TAF3: variants seen among roughly 807,000 people sequenced by gnomAD.
TAF3 encodes TATA-box binding protein associated factor 3, also known as transcription initiation factor TFIID subunit 3.
A neutral mutation model predicts 80.6 loss-of-function variants in TAF3; 7 were observed. The observed-to-expected ratio is 0.09, with a 90% confidence interval of 0.05 to 0.16. TAF3 has a LOEUF of 0.16. TAF3 is among the 10% of genes least tolerant of loss of function. TAF3 has a pLI of 1.00. For missense variants in TAF3, 921 were observed against 1,140.2 expected (o/e 0.81, Z 2.77); for synonymous variants, 444 against 446.1 (o/e 1.00, Z 0.06).
At chr10:8,005,343 T>C (rs573314310) in intron 4 of TAF3, among the ~76,000 whole-genome samples, 1 of 152,374 alleles carries the variant, frequency 6.6e-6, no homozygotes, top group East Asian at 1.9e-4. Context: ...TCTGTATTAA[T>C]ATGAGACCTA....
chr10:7,915,440 C>T (rs1283054763), intron 2 of TAF3, among the ~76,000 whole-genome samples: 10 of 142,224 alleles, frequency 7.0e-5, no homozygotes, highest in African/African-American at 1.8e-4. Flanking sequence ...GTCAGGAGAT[C>T]GAGACCATCC....
chr10:7,965,759 T>C lies in TAF3; in HGVS notation c.2232+17T>C. On this transcript the variant is annotated intron_variant, in intron 3 of 6. Coordinates refer to ENST00000344293, the MANE Select transcript of TAF3 (RefSeq NM_031923.4). The stretch of plus-strand genomic sequence containing the variant: ...CATGAAAAAGTAAGCAGTTTCTCAT[T>C]TTTGGCCCTATCTGAACAGAGTCCT... 1 of 1,518,534 alleles carries C rather than the reference T, an allele frequency of 6.6e-7. No homozygotes were observed. The highest frequency in any genetic ancestry group is 8.8e-7 in the Non-Finnish European group (1 of 1,142,422). 94.1% of individuals were successfully genotyped at this position (1,518,534 alleles called of 1,614,324 possible).
At chr10:7,939,486 C>G (rs1354533416) in intron 2 of TAF3, among the ~76,000 whole-genome samples, 3 of 151,966 alleles carry the variant, frequency 2.0e-5, no homozygotes, top group Non-Finnish European at 4.4e-5. Context: ...CGCTTAAACA[C>G]CCAGTAACTA....
intron 2 of TAF3, among the ~76,000 whole-genome samples, chr10:7,872,823 C>A (rs2131147074): frequency 6.6e-6 from 1 of 152,234 alleles, no homozygotes; most frequent in East Asian, 1.9e-4. Context: ...AAAGTTATTT[C>A]TTTCTTTCTT....
intron 1 of TAF3, among the ~76,000 whole-genome samples, chr10:7,819,339 T>G (rs916005188): frequency 1.3e-5 from 2 of 151,052 alleles, no homozygotes; most frequent in Non-Finnish European, 1.5e-5. Context: ...CCTAACTACA[T>G]AGACTCGTTG....
intron 2 of TAF3, among the ~76,000 whole-genome samples, chr10:7,840,479 A>G (rs948852905): frequency 5.9e-5 from 9 of 151,798 alleles, no homozygotes; most frequent in Non-Finnish European, 7.4e-5. Context: ...GATATTTACT[A>G]TAAACACCAA....
intron 2 of TAF3, among the ~76,000 whole-genome samples, chr10:7,860,414 C>G (rs1420887623): frequency 6.6e-6 from 1 of 152,080 alleles, no homozygotes; most frequent in African/African-American, 2.4e-5. Flanking sequence ...TGCCCCATCC[C>G]AATCACAGCC....
At chr10:8,001,443 A>G (rs1296333382) in intron 4 of TAF3, among the ~76,000 whole-genome samples, 1 of 152,182 alleles carries the variant, frequency 6.6e-6, no homozygotes, top group Non-Finnish European at 1.5e-5. Context: ...TCATGTTTGA[A>G]TAAGAACATT....
At chr10:7,855,678 C>G (rs182916621) in intron 2 of TAF3, among the ~76,000 whole-genome samples, 32 of 152,252 alleles carry the variant, frequency 2.1e-4, no homozygotes, top group Non-Finnish European at 4.3e-4. Flanking sequence ...TTTTTTAGTT[C>G]CATTCTAAAG....
rs753800312 is a variant in TAF3, at chr10:7,965,565, T to G, written c.2055T>G (p.Leu685=). The part of the protein sequence containing the change: ...PAMLPSLLPV[L]PEKLFEEKEK... ...TGCTGCCATCTTTGTTGCCAGTGCT[T>G]CCGGAAAAACTGTTTGAGGAGAAAG... The change falls in exon 3 of 7, where the codon CTT becomes CTG. Residue 685 remains leucine (L), a synonymous_variant. Transcript: ENST00000344293. The G allele has an allele frequency of 2.5e-5, 40 of 1,596,242 alleles. 1 individual carries two copies. The highest frequency in any genetic ancestry group is 2.8e-5 in the Non-Finnish European group (33 of 1,175,548).
chr10:7,897,322 G>C (rs1366042600), intron 2 of TAF3, among the ~76,000 whole-genome samples: 1 of 152,150 alleles, frequency 6.6e-6, no homozygotes, highest in Non-Finnish European at 1.5e-5. Context: ...AGAACTTTAT[G>C]TTGATATTTA....
At chr10:7,858,806 C>CTGTG (rs34538206) in intron 2 of TAF3, among the ~76,000 whole-genome samples, 25,509 of 150,484 alleles carry the variant, frequency 0.17, 2,466 homozygotes, top group East Asian at 0.5. Flanking sequence ...ATTATAGGCT[C>CTGTG]TGTGTGTGTG....
At chr10:7,915,477 T>C (rs972236508) in intron 2 of TAF3, among the ~76,000 whole-genome samples, 1 of 148,758 alleles carries the variant, frequency 6.7e-6, no homozygotes, top group African/African-American at 2.5e-5. Flanking sequence ...ACCCCGTCTC[T>C]ACTAAAAATA....
chr10:7,839,015 G>A (rs61833210), intron 2 of TAF3, among the ~76,000 whole-genome samples: 2,785 of 150,008 alleles, frequency 0.019, 29 homozygotes, highest in Middle Eastern at 0.034. Flanking sequence ...GTTGGGATAT[G>A]CCTGTGGTGT....
chr10:7,900,442 C>T (rs1837547498), intron 2 of TAF3, among the ~76,000 whole-genome samples: 1 of 152,172 alleles, frequency 6.6e-6, no homozygotes, highest in South Asian at 2.1e-4. Context: ...CAGCTTTGTA[C>T]ATGACTGCTA....
chr10:7,939,577 T>TACACACACAC (rs71385681), intron 2 of TAF3, among the ~76,000 whole-genome samples: 200 of 139,306 alleles, frequency 1.4e-3, no homozygotes, highest in Middle Eastern at 3.6e-3. Context: ...AGAAGAAAAC[T>TACACACACAC]ACACACACAC....
intron 4 of TAF3, among the ~76,000 whole-genome samples, chr10:8,005,236 C>A (rs1488312816): frequency 6.6e-6 from 1 of 152,220 alleles, no homozygotes; most frequent in East Asian, 1.9e-4. Context: ...TTCATACTAG[C>A]TGTTATTTCT....
At position 7,965,391 on chromosome 10, in the gene TAF3, G is replaced by GAAAGAT. The variant is rs548920697; in HGVS notation, c.1890_1895dup (p.Asp631_Lys632dup). The GAAAGAT allele has an allele frequency of 1.9e-6, 3 of 1,610,342 alleles. No individual in the cohort carries two copies. The East Asian group carries it at 6.7e-5, about 36-fold the overall frequency. ...AGAAGAAAGATAGAGAGAAAGGCAA[G>GAAAGAT]AAAGATAAAGATAAGAGAGAGAAAG... On this transcript the variant is annotated inframe_insertion, in exon 3 of 7. Coordinates refer to ENST00000344293, the MANE Select transcript of TAF3 (RefSeq NM_031923.4).
intron 2 of TAF3, among the ~76,000 whole-genome samples, chr10:7,862,713 G>T (rs1352583415): frequency 2.0e-5 from 3 of 152,122 alleles, no homozygotes; most frequent in Non-Finnish European, 2.9e-5. Context: ...GGCAACCACT[G>T]ACCTATTTAC....
Sources: gnomAD v4.1 joint callset for allele counts (sites outside exome capture counted in the v4.1 genomes callset) on GRCh38, gnomAD v4.1.1 for gene constraint, MANE v1.5 for transcripts, NCBI Gene and HGNC (gene_info 2026-07-23, HGNC 2026-07-21) for gene names.